The following MYSM1 variants were observed in gnomAD, a reference collection of about 807,000 sequenced individuals.
MYSM1 encodes the protein deubiquitinase MYSM1.
MYSM1 carries 51 observed loss-of-function variants against 116.0 expected under a neutral mutation model. The observed-to-expected ratio is 0.44, with a 90% confidence interval of 0.35 to 0.56. The LOEUF (loss-of-function observed/expected upper bound fraction) is 0.56, where lower values mean the gene tolerates loss of function less well. MYSM1 is among the 20% of genes least tolerant of loss of function. The pLI is 0.00. For synonymous variants in MYSM1, 313 were observed against 315.2 expected (o/e 0.99, Z 0.07); for missense variants, 900 against 974.9 (o/e 0.92, Z 1.02).
intron 14 of MYSM1, 182 bp downstream of exon 14, chr1:58,668,450 A>T: frequency 2.2e-6 from 3 of 1,340,980 alleles, no homozygotes; most frequent in Non-Finnish European, 2.9e-6. Flanking sequence ...TTTCTCTAAA[A>T]TATGGAAACA....
intron 3 of MYSM1, 143 bp downstream of exon 3, chr1:58,692,718 T>C: frequency 1.8e-6 from 1 of 555,860 alleles, no homozygotes; most frequent in East Asian, 3.0e-5. Flanking sequence ...GCTTTTTGCA[T>C]ACATAGGTAA....
intron 2 of MYSM1, among the ~76,000 whole-genome samples, chr1:58,694,224 C>T (rs1327036664): frequency 2.0e-5 from 3 of 152,316 alleles, no homozygotes; most frequent in African/African-American, 7.2e-5. Flanking sequence ...ACTTAACTCC[C>T]TCTTAGAAAA....
intron 1 of MYSM1, chr1:58,699,754 C>G (rs1645035434): frequency 1.0e-6 from 1 of 985,322 alleles, no homozygotes; most frequent in Admixed American, 6.1e-5. Flanking sequence ...CTCACAGCAT[C>G]CGGCAAAAGG....
chr1:58,675,725 T>A (rs937774331), intron 9 of MYSM1, 145 bp from the exon 10 acceptor site: 10 of 541,536 alleles, frequency 1.8e-5, no homozygotes, highest in Middle Eastern at 4.9e-4. Flanking sequence ...TGAGCACCCC[T>A]CAAATTAAAA....
At chr1:58,661,535 T>G (rs232780) in intron 17 of MYSM1, 24 bp from the exon 18 acceptor site, 1 of 1,293,786 alleles carries the variant, frequency 7.7e-7, no homozygotes, top group Admixed American at 1.9e-5. Flanking sequence ...AAGAAGCACA[T>G]TGTCATCAAC....
intron 12 of MYSM1, among the ~76,000 whole-genome samples, chr1:58,669,286 G>T (rs1432907905): frequency 6.6e-6 from 1 of 151,326 alleles, no homozygotes; most frequent in Non-Finnish European, 1.5e-5. Flanking sequence ...AACACTCAAA[G>T]AGGACACTAT....
rs781391262 is a variant in MYSM1 at position 58,660,019 on chromosome 1, C to A, written c.2465G>T (p.Cys822Phe). The A allele has an allele frequency of 3.1e-6, 5 of 1,597,284 alleles. No individual in the cohort carries two copies. The highest frequency in any genetic ancestry group is 4.3e-6 in the Non-Finnish European group (5 of 1,171,734). The change falls in exon 20 of 20, where the codon TGT becomes TTT. Residue 822 changes from cysteine to phenylalanine, a missense_variant. Physicochemically the swap from Cys to Phe is radical, Grantham distance 205 (BLOSUM62 -2). This residue lies in a region of MYSM1 where 186 missense variants were observed against 196.2 expected (regional missense o/e 0.95). Coordinates refer to ENST00000472487, the MANE Select transcript of MYSM1 (RefSeq NM_001085487.3). Reference protein sequence around the residue: ...NQENGVTEENCTKELLM With the variant: ...NQENGVTEENFTKELLM Reference sequence around the variant, plus strand: ...TAATCACATTAACAATTCCTTTGTACAGTTCTCTTCGGTTACTCCATTCTC... The same window carrying A: ...TAATCACATTAACAATTCCTTTGTAAAGTTCTCTTCGGTTACTCCATTCTC...
intron 8 of MYSM1, among the ~76,000 whole-genome samples, chr1:58,677,293 A>G (rs1158478856): frequency 1.3e-5 from 2 of 152,150 alleles, no homozygotes; most frequent in African/African-American, 4.8e-5. Context: ...TTTCTTCCCC[A>G]ATGTTAAATT....
At chr1:58,697,778 G>A (rs997968993) in intron 1 of MYSM1, among the ~76,000 whole-genome samples, 3 of 151,096 alleles carry the variant, frequency 2.0e-5, no homozygotes, top group Admixed American at 2.0e-4. Flanking sequence ...TAGTAGAGAC[G>A]GGGTTTCTCC....
chr1:58,673,742 TAA>T, intron 10 of MYSM1, 92 bp from the exon 11 acceptor site: 1 of 1,036,058 alleles, frequency 9.7e-7, no homozygotes, highest in Non-Finnish European at 1.5e-6. Context: ...AATAATTATC[TAA>T]AAGTCAATTA....
At position 58,655,853 on chromosome 1, in the gene MYSM1, AAAG is replaced by A. The variant is rs1415684031; in HGVS notation, c.*4141_*4143del. 1 of 152,154 alleles carries A rather than the reference AAAG, an allele frequency of 6.6e-6. No homozygotes were observed. Among genetic ancestry groups the A allele is most frequent in the Non-Finnish European group, 1.5e-5 (1 of 68,024 alleles). 9.4% of individuals were successfully genotyped at this position (152,154 alleles called of 1,614,324 possible). The stretch of plus-strand genomic sequence containing the variant: ...GTGTGCTTTTCTTTGTGCTTGGATA[AAAG>A]AAGTTTTCCTAAATACCATATATTG... On this transcript the variant is annotated 3_prime_UTR_variant, in exon 20 of 20. Coordinates refer to ENST00000472487, the MANE Select transcript of MYSM1 (RefSeq NM_001085487.3).
Position 58,695,217 on chromosome 1 carries a change from T to G in MYSM1, c.69-10A>C. On this transcript the variant is annotated splice_polypyrimidine_tract_variant and intron_variant, in intron 1 of 19. Transcript: ENST00000472487. ...TGTATTTTCACCACTTCTGTAATAA[T>G]TAAGAAAATGAGTATATAAGTGAAA... 1 of 1,510,552 alleles carries G rather than the reference T, an allele frequency of 6.6e-7. No homozygotes were observed. Among genetic ancestry groups the G allele is most frequent in the South Asian group, 1.1e-5 (1 of 88,880 alleles). 93.6% of individuals were successfully genotyped at this position (1,510,552 alleles called of 1,614,324 possible). A position where few individuals can be genotyped will look rare whatever the true frequency, so the allele number is the denominator to read the frequency against.
At position 58,663,704 on chromosome 1, in the gene MYSM1, T is replaced by C. The variant is rs536495738; in HGVS notation, c.2164+1795A>G. Among the ~76,000 whole-genome samples, 117 of 152,342 alleles carry C rather than the reference T, an allele frequency of 7.7e-4. 2 individuals are homozygous for C. In the South Asian group the frequency reaches 0.023, roughly 30 times the overall value. ...GTTTATTCACATACATGTGCTGATC[T>C]GTACTTTGCTAAATACTCCAGGGAT... On this transcript the variant is annotated intron_variant, in intron 17 of 19. Coordinates refer to ENST00000472487, the MANE Select transcript of MYSM1 (RefSeq NM_001085487.3).
Position 58,698,084 on chromosome 1 carries a change from CTATA to C in MYSM1, c.68+1897_68+1900del, listed in dbSNP as rs374389099. On this transcript the variant is annotated intron_variant, in intron 1 of 19. Coordinates refer to ENST00000472487, the MANE Select transcript of MYSM1 (RefSeq NM_001085487.3). ...ACACCACTGGACACTATTTATCAGA[CTATA>C]TATATATATATATATTTTTTTTTTT... Among the ~76,000 whole-genome samples, 289 of 31,412 alleles carry C rather than the reference CTATA, an allele frequency of 9.2e-3. 39 individuals are homozygous for C. The highest frequency in any genetic ancestry group is 0.028 in the Middle Eastern group (1 of 36). 20.6% of individuals were successfully genotyped at this position (31,412 alleles called of 152,430 possible).
In MYSM1 at chr1:58,690,398, A is replaced by G. The variant is rs377102315; in HGVS notation, c.238T>C (p.Ser80Pro). 55 of 1,599,022 alleles carry G rather than the reference A, an allele frequency of 3.4e-5. No homozygotes were observed. The African/African-American group carries it at 6.7e-4, about 20-fold the overall frequency. ...TCAAGCCAGACTTTTTCCGGTTGTG[A>G]TTTTTTAGATAAATAATATCTGTGT... ...LEEEYYLSKK[S>P]QPEKVWLDQK... is the part of the protein sequence containing the mutation. The change falls in exon 4 of 20, where the codon TCA becomes CCA. Residue 80 changes from serine to proline, a missense_variant. Coordinates refer to ENST00000472487, the MANE Select transcript of MYSM1 (RefSeq NM_001085487.3).
intron 12 of MYSM1, among the ~76,000 whole-genome samples, chr1:58,671,524 A>C (rs1557510681): frequency 6.6e-6 from 1 of 152,166 alleles, no homozygotes; most frequent in Non-Finnish European, 1.5e-5. Flanking sequence ...AGAAAACAAC[A>C]AACCATGCAA....
intron 6 of MYSM1, among the ~76,000 whole-genome samples, chr1:58,686,918 G>C (rs1292202948): frequency 6.6e-6 from 1 of 150,720 alleles, no homozygotes; most frequent in Non-Finnish European, 1.5e-5. Context: ...GGGATCACCT[G>C]AACTCAGGAG....
At chr1:58,677,334 T>G (rs471446) in intron 8 of MYSM1, among the ~76,000 whole-genome samples, 8,755 of 152,156 alleles carry the variant, frequency 0.058, 778 homozygotes, top group African/African-American at 0.2. Context: ...GGACCTTGAA[T>G]TCAGAAATTT....
chr1:58,695,246 A>G (rs769688662), intron 1 of MYSM1, 39 bp from the exon 2 acceptor site: 8 of 1,282,692 alleles, frequency 6.2e-6, no homozygotes, highest in African/African-American at 1.5e-5. Flanking sequence ...AGTGAAAATC[A>G]TATTAGTTAA....
Sources: allele counts gnomAD v4.1 joint callset (sites outside exome capture counted in the v4.1 genomes callset), GRCh38; gene constraint gnomAD v4.1.1; regional missense constraint gnomAD v4.1.1; transcripts MANE v1.5; gene names NCBI Gene and HGNC (gene_info 2026-07-23, HGNC 2026-07-21).